The following CHD5 variants were observed in gnomAD, a reference collection of about 807,000 sequenced individuals.
CHD5 encodes chromodomain helicase DNA binding protein 5.
A neutral mutation model predicts 230.3 loss-of-function variants in CHD5; 69 were observed. That is an observed-to-expected ratio of 0.30 (90% confidence interval 0.25 to 0.37). CHD5 has a LOEUF of 0.37. Ranked by LOEUF, CHD5 falls within the 10% of genes least tolerant of loss-of-function variation. CHD5 has a pLI of 1.00. For missense variants in CHD5, 1,827 were observed against 2,622.8 expected, an observed-to-expected ratio of 0.70 and a Z score of 6.63; for synonymous variants, 1,064 against 1,065.9, an observed-to-expected ratio of 1.00 and a Z score of 0.03.
chr1:6,148,843 G>A lies in CHD5; in HGVS notation c.1383+11C>T, dbSNP rs546974291. ...GCGGGGCGTCCGGCGCGGGGCGGGC[G>A]GAACACTCACAGTACAGCGCGGGCA... On this transcript the variant is annotated intron_variant, in intron 9 of 41. Coordinates refer to ENST00000262450, the MANE Select transcript of CHD5 (RefSeq NM_015557.3). 34 of 1,477,762 alleles carry A rather than the reference G, an allele frequency of 2.3e-5. 1 individual carries two copies. The highest frequency in any genetic ancestry group is 6.8e-5 in the Admixed American group (3 of 44,436). The allele number at this position is 1,477,762 out of a possible 1,614,324, so 91.5% of individuals were successfully genotyped here.
In CHD5 at chr1:6,102,085, A is replaced by C. The variant is rs1666069575; in HGVS notation, c.*3389T>G. ...CTCTTAGCTGGGCCTGGGCCGGTGG[A>C]GTCTGCTCCCTCCACACCCCTGAAC... On this transcript the variant is annotated 3_prime_UTR_variant, in exon 42 of 42. Transcript: ENST00000262450. 2.6e-6 allele frequency: 1 copy of C among 386,200 alleles called. No homozygotes were observed. The highest frequency in any genetic ancestry group is 5.1e-6 in the Non-Finnish European group (1 of 194,896). 23.9% of individuals were successfully genotyped at this position (386,200 alleles called of 1,614,324 possible).
Position 6,154,727 on chromosome 1 carries a change from T to G in CHD5, c.678A>C (p.Leu226=), listed in dbSNP as rs774890908. 1.9e-6 allele frequency: 3 copies of G among 1,609,280 alleles called. No homozygotes were observed. In the South Asian group the frequency reaches 3.3e-5, roughly 18 times the overall value. ...GGGGCACCTGCGGGGGGCTGACGGCTAGCGGAGGGGAGATGGTGACCGTCT... is the reference window on the plus strand; with the variant it reads ...GGGGCACCTGCGGGGGGCTGACGGCGAGCGGAGGGGAGATGGTGACCGTCT... ...AVETVTISPP[L]AVSPPQVPQP... is the part of the protein sequence containing the mutation. Residue 226 remains leucine (L), a synonymous_variant, in exon 5 of 42, where the codon CTA becomes CTC. Coordinates refer to ENST00000262450, the MANE Select transcript of CHD5 (RefSeq NM_015557.3). The surrounding 1 kb of genome is among the most constrained non-coding windows in gnomAD (Gnocchi z 7.0).
chr1:6,140,056 T>C (rs181124208), intron 15 of CHD5, among the ~76,000 whole-genome samples: 10 of 152,312 alleles, frequency 6.6e-5, no homozygotes, highest in Admixed American at 1.3e-4. Context: ...TGACATCTTC[T>C]AGGGGCCAAT....
intron 34 of CHD5, 92 bp downstream of exon 34, chr1:6,112,817 C>T (rs950410326): frequency 2.2e-5 from 21 of 946,844 alleles, no homozygotes; most frequent in African/African-American, 6.6e-5. Context: ...AAGGGGACGG[C>T]GCCTGGGAGA....
chr1:6,166,699 G>A (rs931288960), intron 2 of CHD5, among the ~76,000 whole-genome samples: 2 of 140,738 alleles, frequency 1.4e-5, no homozygotes, highest in Admixed American at 1.4e-4. Context: ...CCAAGTACCC[G>A]AACAAGCCGG....
Position 6,176,941 on chromosome 1 carries a change from C to T in CHD5, c.79+3004G>A, listed in dbSNP as rs565324488. Among the ~76,000 whole-genome samples, 3 of 152,304 alleles carry T rather than the reference C, an allele frequency of 2.0e-5. No homozygotes were observed. In the South Asian group the frequency reaches 6.2e-4, roughly 32 times the overall value. ...CTGGTCCCCCAACCAGAAGAGGCAC[C>T]CGCCCTGCCTTCCTCCTAGAAGCTG... On this transcript the variant is annotated intron_variant, in intron 1 of 41. Coordinates refer to ENST00000262450, the MANE Select transcript of CHD5 (RefSeq NM_015557.3).
intron 9 of CHD5, among the ~76,000 whole-genome samples, chr1:6,148,131 A>G (rs1035015645): frequency 6.6e-6 from 1 of 152,196 alleles, no homozygotes; most frequent in African/African-American, 2.4e-5. Flanking sequence ...ATACACACGC[A>G]CAATGCACAC....
At chr1:6,177,510 A>G (rs552454498) in intron 1 of CHD5, among the ~76,000 whole-genome samples, 2 of 152,322 alleles carry the variant, frequency 1.3e-5, no homozygotes, top group East Asian at 3.9e-4. Flanking sequence ...CAACGTTTCG[A>G]GTATGTGAGG....
intron 15 of CHD5, among the ~76,000 whole-genome samples, chr1:6,141,231 T>G (rs932199161): frequency 8.7e-5 from 13 of 150,192 alleles, no homozygotes; most frequent in Non-Finnish European, 1.9e-4. Context: ...TGCAGTGAGC[T>G]GAGATCGTGC....
In CHD5 at chr1:6,152,533, GGCCC is replaced by G; in HGVS notation, c.746-1_748del. On this transcript the variant is annotated splice_acceptor_variant and coding_sequence_variant, in exon 6 of 42. Coordinates refer to ENST00000262450, the MANE Select transcript of CHD5 (RefSeq NM_015557.3). LOFTEE classifies it high-confidence loss of function. ...GCCTTTGATCTTCTTCCTCACTCCA[GGCCC>G]TGAAAAACAGCAGTGATGATAGCCA... 1 of 1,613,886 alleles carries G rather than the reference GGCCC, an allele frequency of 6.2e-7. No homozygotes were observed. The highest frequency in any genetic ancestry group is 1.3e-5 in the African/African-American group (1 of 74,948).
chr1:6,130,427 C>T lies in CHD5; in HGVS notation c.3263-99G>A, dbSNP rs1666636602. The T allele has an allele frequency of 4.5e-6, 5 of 1,114,766 alleles. No individual in the cohort carries two copies. Among genetic ancestry groups the T allele is most frequent in the Non-Finnish European group, 3.9e-6 (3 of 772,234 alleles). 69.1% of individuals were successfully genotyped at this position (1,114,766 alleles called of 1,614,324 possible). On this transcript the variant is annotated intron_variant, in intron 21 of 41. Coordinates refer to ENST00000262450, the MANE Select transcript of CHD5 (RefSeq NM_015557.3). This position sits in a 1 kb window ranked among gnomAD's most constrained non-coding sequence, Gnocchi z 4.9. ...GAACAGAGAGAAGGAACTGCAGCAA[C>T]AGATCCCTGGCAGAGAAGGACAAAG... is the stretch of plus-strand genomic sequence containing the variant.
In CHD5 at chr1:6,180,003, G is replaced by C; in HGVS notation, c.21C>G (p.Thr7=). Residue 7 remains threonine, a synonymous_variant, in exon 1 of 42, where the codon ACC becomes ACG. Coordinates refer to ENST00000262450, the MANE Select transcript of CHD5 (RefSeq NM_015557.3). ...CGAACAGCCGCGGCAGCTCCTCCTC[G>C]GTGCCCACTGGGCCCCGCATGCCCG... The part of the protein sequence containing the change: MRGPVG[T]EEELPRLFAE... 7.2e-7 allele frequency: 1 copy of C among 1,381,288 alleles called. No homozygotes were observed. Among genetic ancestry groups the C allele is most frequent in the Non-Finnish European group, 9.5e-7 (1 of 1,055,114 alleles). The allele number at this position is 1,381,288 out of a possible 1,614,324, so 85.6% of individuals were successfully genotyped here.
chr1:6,118,378 CA>C (rs60950909), intron 33 of CHD5, among the ~76,000 whole-genome samples: 35,316 of 79,288 alleles, frequency 0.45, 4,088 homozygotes, highest in South Asian at 0.5. Flanking sequence ...GACCCTGTCT[CA>C]AAAAAAAAAA....
chr1:6,131,544 C>T lies in CHD5; in HGVS notation c.3262+87G>A. 1 of 762,780 alleles carries T rather than the reference C, an allele frequency of 1.3e-6. No individual in the cohort carries two copies. Among genetic ancestry groups the T allele is most frequent in the Non-Finnish European group, 2.3e-6 (1 of 431,556 alleles). 47.3% of individuals were successfully genotyped at this position (762,780 alleles called of 1,614,324 possible). On this transcript the variant is annotated intron_variant, in intron 21 of 41. Coordinates refer to ENST00000262450, the MANE Select transcript of CHD5 (RefSeq NM_015557.3). The surrounding 1 kb of genome is among the most constrained non-coding windows in gnomAD (Gnocchi z 5.0). ...TTTGTGAGGCTGCTCAACACAACAC[C>T]AGCTGGGTGACCTGGCTAAGAACCA...
In CHD5 at chr1:6,102,340, A is replaced by C. The variant is rs1263544413; in HGVS notation, c.*3134T>G. 6.4e-6 allele frequency: 1 copy of C among 157,022 alleles called. No individual in the cohort carries two copies. The highest frequency in any genetic ancestry group is 1.4e-5 in the Non-Finnish European group (1 of 70,870). 9.7% of individuals were successfully genotyped at this position (157,022 alleles called of 1,614,324 possible). On this transcript the variant is annotated 3_prime_UTR_variant, in exon 42 of 42. Coordinates refer to ENST00000262450, the MANE Select transcript of CHD5 (RefSeq NM_015557.3). ...CCACAACCTGTAAACTTTCAGACACAGAAAACAGGACAGGAACCAGCTGCC... is the reference window on the plus strand; with the variant it reads ...CCACAACCTGTAAACTTTCAGACACCGAAAACAGGACAGGAACCAGCTGCC...
At chr1:6,163,243 C>T (rs190688580) in intron 2 of CHD5, among the ~76,000 whole-genome samples, 1 of 152,342 alleles carries the variant, frequency 6.6e-6, no homozygotes, top group East Asian at 1.9e-4. Context: ...GCAAAGCCCT[C>T]ATTTCTTGGA....
In CHD5 at chr1:6,179,960, C is replaced by T; in HGVS notation, c.64G>A (p.Glu22Lys). The T allele has an allele frequency of 7.3e-7, 1 of 1,368,896 alleles. No individual in the cohort carries two copies. Among genetic ancestry groups the T allele is most frequent in the South Asian group, 1.3e-5 (1 of 75,248 alleles). 84.8% of individuals were successfully genotyped at this position (1,368,896 alleles called of 1,614,324 possible). A position where few individuals can be genotyped will look rare whatever the true frequency, so the allele number is the denominator to read the frequency against. Residue 22 changes from glutamate to lysine, a missense_variant, in exon 1 of 42, where the codon GAG (glutamate) becomes AAG (lysine). By Grantham distance (56) the Glu-to-Lys change is moderately conservative (BLOSUM62 1). Coordinates refer to ENST00000262450, the MANE Select transcript of CHD5 (RefSeq NM_015557.3). The part of the protein sequence containing the change: ...PRLFAEEMEN[E>K]DEMSEEEDGG... ...CCCCGCTCACCTGACATCTCGTCCT[C>T]ATTCTCCATCTCCTCGGCGAACAGC... is the stretch of plus-strand genomic sequence containing the variant.
chr1:6,168,388 C>T lies in CHD5; in HGVS notation c.80-111G>A, dbSNP rs1039691259. The T allele has an allele frequency of 8.3e-6, 11 of 1,327,610 alleles. No individual in the cohort carries two copies. In the East Asian group the frequency reaches 1.4e-4, roughly 17 times the overall value. 82.2% of individuals were successfully genotyped at this position (1,327,610 alleles called of 1,614,324 possible). A position where few individuals can be genotyped will look rare whatever the true frequency, so the allele number is the denominator to read the frequency against. ...GGGACCCCCAGACACCCAACTGTGC[C>T]AGGTCACAGCTGCCCTGCCCTCCCC... On this transcript the variant is annotated intron_variant, in intron 1 of 41. Transcript: ENST00000262450.
Position 6,176,879 on chromosome 1 carries a change from A to ACTC in CHD5, c.79+3065_79+3066insGAG, listed in dbSNP as rs770770111. Among the ~76,000 whole-genome samples, 39 of 152,296 alleles carry ACTC rather than the reference A, an allele frequency of 2.6e-4. No individual in the cohort carries two copies. The East Asian group carries it at 3.9e-3, about 15-fold the overall frequency. On this transcript the variant is annotated intron_variant, in intron 1 of 41. Coordinates refer to ENST00000262450, the MANE Select transcript of CHD5 (RefSeq NM_015557.3). ...CACCAGCTCTTGACCCCTGGCTTCA[A>ACTC]CCAGCCACCCCAACTCCCAGGAGAA...
Sources: gnomAD v4.1 joint callset for allele counts (sites outside exome capture counted in the v4.1 genomes callset) on GRCh38, gnomAD v4.1.1 for gene constraint, Gnocchi (gnomAD v3.1) non-coding constraint, MANE v1.5 for transcripts, NCBI Gene and HGNC (gene_info 2026-07-23, HGNC 2026-07-21) for gene names.